The following TENM3 variants were observed in gnomAD, a reference collection of about 807,000 sequenced individuals.
TENM3 encodes teneurin-3.
Under a neutral mutation model 255.1 loss-of-function variants are expected in TENM3, and 63 were observed. The ratio of observed to expected loss-of-function variants is 0.25; its 90% CI spans 0.20 to 0.30. TENM3 has a LOEUF of 0.30. Among genes scored for constraint, TENM3 ranks in the 10% least tolerant of loss-of-function variants. The pLI is 1.00. For synonymous variants in TENM3, 1,306 were observed against 1,322.3 expected, an observed-to-expected ratio of 0.99 and a Z score of 0.27; for missense variants, 2,929 against 3,461.1, an observed-to-expected ratio of 0.85 and a Z score of 3.86.
At chr4:182,436,411 T>G (rs1772050022) in intron 3 of TENM3, among the ~76,000 whole-genome samples, 2 of 152,184 alleles carry the variant, frequency 1.3e-5, no homozygotes, top group Non-Finnish European at 2.9e-5. Flanking sequence ...AGCAGTAAGC[T>G]TCGAGTTCCT....
the TENM3 span, among the ~76,000 whole-genome samples, chr4:182,042,803 T>C: frequency 6.6e-6 from 1 of 152,070 alleles, no homozygotes; most frequent in Non-Finnish European, 1.5e-5. Flanking sequence ...CAACTGTGGT[T>C]TTGTCACTGG....
intron 19 of TENM3, chr4:182,744,224 G>A: frequency 1.1e-6 from 1 of 879,442 alleles, no homozygotes; most frequent in Non-Finnish European, 1.4e-6. Flanking sequence ...ATTTCAATGT[G>A]ACCCTCTGAA....
intron 3 of TENM3, among the ~76,000 whole-genome samples, chr4:182,430,084 C>T (rs183908263): frequency 3.9e-5 from 6 of 152,318 alleles, no homozygotes; most frequent in Non-Finnish European, 8.8e-5. Flanking sequence ...CACTGAGTGA[C>T]ATGACGCAGC....
intron 3 of TENM3, among the ~76,000 whole-genome samples, chr4:182,441,677 T>C (rs889634432): frequency 3.9e-5 from 6 of 152,266 alleles, no homozygotes; most frequent in African/African-American, 1.2e-4. Context: ...TTTGTATTTT[T>C]AGTAGAGATG....
intron 3 of TENM3, among the ~76,000 whole-genome samples, chr4:182,595,141 G>A (rs911872711): frequency 2.6e-5 from 4 of 152,044 alleles, no homozygotes; most frequent in Admixed American, 1.3e-4. Context: ...AATATCCCAC[G>A]GAAAGTAAAT....
chr4:181,501,268 G>A, the TENM3 span, among the ~76,000 whole-genome samples: 2 of 152,170 alleles, frequency 1.3e-5, no homozygotes, highest in African/African-American at 4.8e-5. Flanking sequence ...GAAGATCTGG[G>A]AGATGTCCCA....
At chr4:181,473,850 G>GTGTATAAAATATATATA in the TENM3 span, among the ~76,000 whole-genome samples, 1 of 128,052 alleles carries the variant, frequency 7.8e-6, no homozygotes, top group African/African-American at 2.7e-5. Flanking sequence ...TATATATACA[G>GTGTATAAAATATATATA]TATATATTCT....
the TENM3 span, among the ~76,000 whole-genome samples, chr4:181,611,826 T>C: frequency 6.6e-6 from 1 of 152,236 alleles, no homozygotes; most frequent in Non-Finnish European, 1.5e-5. Context: ...CTGCATCTAA[T>C]GGTTATTCAG....
chr4:181,467,125 ATTTTTTTTTTT>A, the TENM3 span, among the ~76,000 whole-genome samples: 1 of 17,616 alleles, frequency 5.7e-5, no homozygotes, highest in East Asian at 1.1e-3. Flanking sequence ...ATATATATAT[ATTTTTTTTTTT>A]TTTTTTTTTT....
rs796360742 is a variant in TENM3, at chr4:182,482,431, G to C, written c.512-118493G>C. 1.8e-4 allele frequency among the ~76,000 whole-genome samples: 28 copies of C among 152,104 alleles called. 1 individual carries two copies. Among genetic ancestry groups the C allele is most frequent in the African/African-American group, 6.5e-4 (27 of 41,504 alleles). On this transcript the variant is annotated intron_variant, in intron 3 of 27. Coordinates refer to ENST00000511685, the MANE Select transcript of TENM3 (RefSeq NM_001080477.4). Reference sequence around the variant, plus strand: ...ACATGGGCAGAATGTAATGTGGAAGGTACCACCACTAATTGTGATTTTAAA... The same window carrying C: ...ACATGGGCAGAATGTAATGTGGAAGCTACCACCACTAATTGTGATTTTAAA...
chr4:182,038,101 A>G, the TENM3 span, among the ~76,000 whole-genome samples: 1 of 152,154 alleles, frequency 6.6e-6, no homozygotes, highest in African/African-American at 2.4e-5. Flanking sequence ...CACACAACAC[A>G]TTTGTTCCAT....
intron 3 of TENM3, among the ~76,000 whole-genome samples, chr4:182,591,850 C>T (rs1299028089): frequency 6.6e-6 from 1 of 152,068 alleles, no homozygotes; most frequent in Non-Finnish European, 1.5e-5. Flanking sequence ...GATTGGAAAA[C>T]GAAAGGAAAA....
intron 3 of TENM3, among the ~76,000 whole-genome samples, chr4:182,347,606 GA>G (rs1192229770): frequency 2.2e-5 from 3 of 135,984 alleles, no homozygotes; most frequent in African/African-American, 8.3e-5. Flanking sequence ...TATATTGTAA[GA>G]AAAAAAGTCT....
At chr4:182,607,857 A>C (rs1373245563) in intron 4 of TENM3, among the ~76,000 whole-genome samples, 1 of 152,202 alleles carries the variant, frequency 6.6e-6, no homozygotes, top group African/African-American at 2.4e-5. Flanking sequence ...TGATCATCTT[A>C]ATTTTCATGG....
chr4:182,550,633 C>T lies in TENM3; in HGVS notation c.512-50291C>T, dbSNP rs1741903385. On this transcript the variant is annotated intron_variant, in intron 3 of 27. Transcript: ENST00000511685. The stretch of plus-strand genomic sequence containing the variant: ...TTTTCTGGGTGTTCATCACTAGAGA[C>T]AAGTTATTAATGCTTCTAACACCAG... 2.6e-5 allele frequency among the ~76,000 whole-genome samples: 4 copies of T among 152,120 alleles called. No individual in the cohort carries two copies. The South Asian group carries it at 8.3e-4, about 32-fold the overall frequency.
chr4:182,799,060 G>A lies in TENM3; in HGVS notation c.7345-536G>A, dbSNP rs1766703206. 6.6e-6 allele frequency among the ~76,000 whole-genome samples: 1 copy of A among 152,214 alleles called. No homozygotes were observed. Among genetic ancestry groups the A allele is most frequent in the Non-Finnish European group, 1.5e-5 (1 of 68,034 alleles). On this transcript the variant is annotated intron_variant, in intron 27 of 27. Transcript: ENST00000511685. The surrounding 1 kb of genome is among the most constrained non-coding windows in gnomAD (Gnocchi z 4.2). ...ACTCATCCCTGTACATTTCAGTTCT[G>A]CGGTTACACTCACCATCTTCAGCTG...
At chr4:181,491,596 T>A in the TENM3 span, among the ~76,000 whole-genome samples, 1 of 152,222 alleles carries the variant, frequency 6.6e-6, no homozygotes, top group Non-Finnish European at 1.5e-5. Context: ...ATGTGAGATA[T>A]ATACTTTAGG....
the TENM3 span, among the ~76,000 whole-genome samples, chr4:181,857,655 G>A: frequency 6.6e-6 from 1 of 151,938 alleles, no homozygotes; most frequent in African/African-American, 2.4e-5. Flanking sequence ...CTACTGGGGA[G>A]GGTGAGGTGG....
intron 3 of TENM3, among the ~76,000 whole-genome samples, chr4:182,534,702 G>C (rs1740118998): frequency 1.3e-5 from 2 of 152,198 alleles, no homozygotes; most frequent in South Asian, 2.1e-4. Flanking sequence ...ATAAGCGATG[G>C]AGATAGAATT....
Sources: gnomAD v4.1 joint callset for allele counts (sites outside exome capture counted in the v4.1 genomes callset) on GRCh38, gnomAD v4.1.1 for gene constraint, Gnocchi (gnomAD v3.1) non-coding constraint, MANE v1.5 for transcripts, NCBI Gene and HGNC (gene_info 2026-07-23, HGNC 2026-07-21) for gene names.